Variants in OR6J1 observed in about 807,000 individuals in gnomAD.
The protein encoded by OR6J1 is olfactory receptor 6J1.
For synonymous variants in OR6J1, 109 were observed against 70.0 expected (o/e 1.56, Z -2.78); for missense variants, 304 against 166.8 (o/e 1.82, Z -4.53).
intron 1 of OR6J1, among the ~76,000 whole-genome samples, chr14:22,637,556 C>T (rs1403407816): frequency 8.9e-5 from 3 of 33,888 alleles, no homozygotes; most frequent in East Asian, 2.9e-3. Flanking sequence ...GCCCCCTGCC[C>T]GGCCAGCCGC....
At chr14:22,637,032 T>C (rs1298583392) in intron 1 of OR6J1, among the ~76,000 whole-genome samples, 1 of 117,646 alleles carries the variant, frequency 8.5e-6, no homozygotes, top group South Asian at 2.5e-4. Flanking sequence ...CGGCCGCCCA[T>C]GTCTGAGATG....
chr14:22,642,988 A>G (rs1192352890), intron 1 of OR6J1, among the ~76,000 whole-genome samples: 1 of 146,784 alleles, frequency 6.8e-6, no homozygotes, highest in African/African-American at 2.5e-5. Context: ...TTTTTTTGAG[A>G]TGGAGTTTTA....
intron 1 of OR6J1, among the ~76,000 whole-genome samples, chr14:22,639,362 G>T (rs1232389611): frequency 7.9e-6 from 1 of 125,844 alleles, no homozygotes; most frequent in East Asian, 2.2e-4. Flanking sequence ...GAGGGAGATG[G>T]GGGGGTCAGC....
intron 1 of OR6J1, among the ~76,000 whole-genome samples, chr14:22,640,721 A>G (rs978616111): frequency 1.3e-5 from 2 of 151,196 alleles, no homozygotes; most frequent in African/African-American, 4.8e-5. Flanking sequence ...GGATCTCACT[A>G]TGTTGCCCAG....
In OR6J1 at chr14:22,632,364, GA is replaced by G. The variant is rs1313222677; in HGVS notation, c.*1403del. On this transcript the variant is annotated 3_prime_UTR_variant, in exon 2 of 2. Transcript: ENST00000540461. ...GGGCAGATCACGAGTTCAGGAGATC[GA>G]GACCATCCTGGCTAACACAGTGAAG... 6.6e-6 allele frequency: 1 copy of G among 152,204 alleles called. No homozygotes were observed. Among genetic ancestry groups the G allele is most frequent in the Non-Finnish European group, 1.5e-5 (1 of 68,086 alleles). 9.4% of individuals were successfully genotyped at this position (152,204 alleles called of 1,614,324 possible).
chr14:22,638,314 A>G (rs1283967200), intron 1 of OR6J1, among the ~76,000 whole-genome samples: 1 of 52,596 alleles, frequency 1.9e-5, no homozygotes, highest in Non-Finnish European at 3.5e-5. Context: ...ACTAAGAAAA[A>G]TTCCTCTGCC....
chr14:22,638,909 G>A (rs2037618618), intron 1 of OR6J1, among the ~76,000 whole-genome samples: 1 of 120,100 alleles, frequency 8.3e-6, no homozygotes, highest in Non-Finnish European at 1.7e-5. Context: ...ATCACATCTA[G>A]GAAGTGAGGA....
chr14:22,637,591 G>A (rs1358623185), intron 1 of OR6J1, among the ~76,000 whole-genome samples: 16 of 48,734 alleles, frequency 3.3e-4, no homozygotes, highest in East Asian at 6.7e-4. Context: ...AGGTGGGGGG[G>A]TCAGCCCCCC....
intron 1 of OR6J1, among the ~76,000 whole-genome samples, chr14:22,641,547 G>A (rs2037652866): frequency 7.4e-6 from 1 of 135,450 alleles, no homozygotes; most frequent in South Asian, 2.5e-4. Context: ...AAGAAGGAAG[G>A]AAGAAATAAA....
rs564745238 is a variant in OR6J1, at chr14:22,635,461, G to A, written c.-27-623C>T. Among the ~76,000 whole-genome samples, 10 of 152,300 alleles carry A rather than the reference G, an allele frequency of 6.6e-5. No individual in the cohort carries two copies. The South Asian group carries it at 2.1e-3, about 32-fold the overall frequency. ...TGTTTTTAAAGCAAGTTACAAACTT[G>A]TAATGACATTGTGATGCCATTTTGG... On this transcript the variant is annotated intron_variant, in intron 1 of 1. Transcript: ENST00000540461.
In OR6J1 at chr14:22,641,354, A is replaced by G. The variant is rs1474364719; in HGVS notation, c.-28+2744T>C. Among the ~76,000 whole-genome samples the G allele has an allele frequency of 4.4e-5, 6 of 135,804 alleles. 1 individual carries two copies. The highest frequency in any genetic ancestry group is 1.5e-4 in the Admixed American group (2 of 13,478). 89.1% of individuals were successfully genotyped at this position (135,804 alleles called of 152,430 possible). On this transcript the variant is annotated intron_variant, in intron 1 of 1. Transcript: ENST00000540461. ...GGAAGAAAGGAGGGAGGGAGGGAAG[A>G]AAGAAAGAAAGGGGGGAGAGAAGAA...
intron 1 of OR6J1, among the ~76,000 whole-genome samples, chr14:22,639,958 G>C (rs1439028232): frequency 2.5e-5 from 2 of 81,090 alleles, no homozygotes; most frequent in African/African-American, 1.2e-4. Flanking sequence ...CCTCCTCTGT[G>C]AGAAACACCC....
In OR6J1 at chr14:22,633,395, T is replaced by C. The variant is rs925991852; in HGVS notation, c.*373A>G. On this transcript the variant is annotated 3_prime_UTR_variant, in exon 2 of 2. Transcript: ENST00000540461. The stretch of plus-strand genomic sequence containing the variant: ...ATTTCTAAAAAGATCCTGCAGAGGA[T>C]GGAAAGAAAGAGGGTCCGTGCAGAG... The C allele has an allele frequency of 5.4e-6, 1 of 186,606 alleles. No individual in the cohort carries two copies. 11.6% of individuals were successfully genotyped at this position (186,606 alleles called of 1,614,324 possible). A position where few individuals can be genotyped will look rare whatever the true frequency, so the allele number is the denominator to read the frequency against.
intron 1 of OR6J1, among the ~76,000 whole-genome samples, chr14:22,636,102 A>C (rs534273297): frequency 4.9e-4 from 74 of 152,166 alleles, no homozygotes; most frequent in African/African-American, 1.7e-3. Flanking sequence ...AGAAATAGAT[A>C]AGCAATCCAA....
Position 22,634,840 on chromosome 14 carries a change from TAACAGA to T in OR6J1, c.-27-8_-27-3del, listed in dbSNP as rs2037573154. ...CCTGGTGGGCCTGGCTCAATTCTCC[TAACAGA>T]ACAAAGGGAGATAACACTTAAGAGA... On this transcript the variant is annotated splice_polypyrimidine_tract_variant and splice_region_variant and intron_variant, in intron 1 of 1. Transcript: ENST00000540461. 1.5e-6 allele frequency: 1 copy of T among 648,594 alleles called. No homozygotes were observed. The highest frequency in any genetic ancestry group is 2.7e-5 in the East Asian group (1 of 37,000). The allele number at this position is 648,594 out of a possible 1,614,324, so 40.2% of individuals were successfully genotyped here.
In OR6J1 at chr14:22,640,658, A is replaced by G. The variant is rs1322109662; in HGVS notation, c.-28+3440T>C. 4.0e-5 allele frequency among the ~76,000 whole-genome samples: 6 copies of G among 150,758 alleles called. No homozygotes were observed. The East Asian group carries it at 7.8e-4, about 20-fold the overall frequency. On this transcript the variant is annotated intron_variant, in intron 1 of 1. Coordinates refer to ENST00000540461, the MANE Select transcript of OR6J1 (RefSeq NM_001348233.2). ...CAGGTGCATGCCACCATGCCCAGCTATTAGGTTGTTGCAAAAGTAATTGCG... is the reference window on the plus strand; with the variant it reads ...CAGGTGCATGCCACCATGCCCAGCTGTTAGGTTGTTGCAAAAGTAATTGCG...
chr14:22,637,779 A>G (rs1594902479), intron 1 of OR6J1, among the ~76,000 whole-genome samples: 1 of 59,086 alleles, frequency 1.7e-5, no homozygotes. Context: ...TCGGGAGGTG[A>G]GGGGCGCCTC....
At position 22,632,634 on chromosome 14, in the gene OR6J1, G is replaced by A. The variant is rs2037554311; in HGVS notation, c.*1134C>T. On this transcript the variant is annotated 3_prime_UTR_variant, in exon 2 of 2. Coordinates refer to ENST00000540461, the MANE Select transcript of OR6J1 (RefSeq NM_001348233.2). ...AAAAGGGGAGAAGCTATGCCTTGTG[G>A]AGAGATAATGAACTTTGTAGTCAAG... 1 of 152,256 alleles carries A rather than the reference G, an allele frequency of 6.6e-6. No homozygotes were observed. The highest frequency in any genetic ancestry group is 1.5e-5 in the Non-Finnish European group (1 of 68,088). The allele number at this position is 152,256 out of a possible 1,614,324, so 9.4% of individuals were successfully genotyped here. A position where few individuals can be genotyped will look rare whatever the true frequency, so the allele number is the denominator to read the frequency against.
chr14:22,635,195 A>C (rs61972433), intron 1 of OR6J1, among the ~76,000 whole-genome samples: 6,658 of 152,302 alleles, frequency 0.044, 275 homozygotes, highest in African/African-American at 0.1. Flanking sequence ...AGATTTTGCC[A>C]CAAGAATATT....
Sources: gnomAD v4.1 joint callset for allele counts (sites outside exome capture counted in the v4.1 genomes callset) on GRCh38, gnomAD v4.1.1 for gene constraint, MANE v1.5 for transcripts, NCBI Gene and HGNC (gene_info 2026-07-23, HGNC 2026-07-21) for gene names.